LGR6: variants seen among roughly 807,000 people sequenced by gnomAD.
The protein encoded by LGR6 is leucine-rich repeat-containing G protein-coupled receptor 6.
A neutral mutation model predicts 69.4 loss-of-function variants in LGR6; 45 were observed. The observed-to-expected ratio is 0.65, with a 90% CI of 0.51 to 0.83. LGR6 has a LOEUF of 0.83. Among genes scored for constraint, LGR6 ranks in the 40% least tolerant of loss-of-function variants. LGR6 has a pLI of 0.00. For synonymous variants in LGR6, 538 were observed against 555.0 expected (o/e 0.97, Z 0.43); for missense variants, 1,108 against 1,246.7 (o/e 0.89, Z 1.68).
chr1:202,278,681 G>A (rs1053619964), intron 5 of LGR6, among the ~76,000 whole-genome samples: 1 of 152,126 alleles, frequency 6.6e-6, no homozygotes, highest in Non-Finnish European at 1.5e-5. Flanking sequence ...AGGCCCAAGA[G>A]GAAGGTAAGG....
rs540494599 is a variant in LGR6, at chr1:202,310,365, A to G, written c.1567+8A>G. On this transcript the variant is annotated splice_region_variant and intron_variant, in intron 16 of 17. Transcript: ENST00000367278. ...GACAAGCAGAGAACCACTGTGAGTG[A>G]CCAGGGGCCCTGGGTTGGGGAGGGT... 1.2e-6 allele frequency: 2 copies of G among 1,612,868 alleles called. No homozygotes were observed. The highest frequency in any genetic ancestry group is 2.2e-5 in the South Asian group (2 of 91,020).
intron 4 of LGR6, among the ~76,000 whole-genome samples, chr1:202,240,399 A>C (rs1662085546): frequency 6.6e-6 from 1 of 151,794 alleles, no homozygotes; most frequent in Non-Finnish European, 1.5e-5. Flanking sequence ...AACGACATGA[A>C]AGAACGAATG....
chr1:202,318,296 G>T lies in LGR6; in HGVS notation c.1993G>T (p.Val665Leu), dbSNP rs746665811. 3.1e-6 allele frequency: 5 copies of T among 1,598,454 alleles called. No individual in the cohort carries two copies. Among genetic ancestry groups the T allele is most frequent in the Non-Finnish European group, 2.6e-6 (3 of 1,171,352 alleles). ...GGTGCTGCTGCTCACTCTGGCCGCA[G>T]TGCAGTGCAGCGTCTCCGTCTCCTG... ...ASVLLLTLAA[V>L]QCSVSVSCVR... The change falls in exon 18 of 18, where the codon GTG becomes TTG. Residue 665 changes from valine to leucine, a missense_variant. Coordinates refer to ENST00000367278, the MANE Select transcript of LGR6 (RefSeq NM_001017403.2).
chr1:202,197,455 C>T lies in LGR6; in HGVS notation c.212+3254C>T, dbSNP rs141482942. The T allele has an allele frequency of 4.1e-4, 219 of 533,422 alleles. 3 individuals are homozygous for T. In the East Asian group the frequency reaches 7.8e-3, roughly 19 times the overall value. The allele number at this position is 533,422 out of a possible 1,614,324, so 33.0% of individuals were successfully genotyped here. A position where few individuals can be genotyped will look rare whatever the true frequency, so the allele number is the denominator to read the frequency against. On this transcript the variant is annotated intron_variant, in intron 1 of 17. Coordinates refer to ENST00000367278, the MANE Select transcript of LGR6 (RefSeq NM_001017403.2). ...GTTTCCTCTTAAACTATAGTCTCAG[C>T]GAGGCTCATTGACACTCACCGGGGT... is the stretch of plus-strand genomic sequence containing the variant.
intron 4 of LGR6, among the ~76,000 whole-genome samples, chr1:202,265,050 C>T (rs1047821526): frequency 2.6e-5 from 4 of 152,168 alleles, no homozygotes; most frequent in African/African-American, 9.7e-5. Context: ...CTGATGAAAT[C>T]ACTTTCCTCC....
chr1:202,317,934 G>A lies in LGR6; in HGVS notation c.1649-18G>A, dbSNP rs367753962. The A allele has an allele frequency of 9.3e-5, 147 of 1,584,050 alleles. 1 individual carries two copies. Among genetic ancestry groups the A allele is most frequent in the Middle Eastern group, 6.7e-4 (4 of 5,932 alleles). ...CACCATCCTCTGGCCCAGGGTTAAT[G>A]TCTGATCTCTCCTACAGGCCCCTTC... On this transcript the variant is annotated intron_variant, in intron 17 of 17. Coordinates refer to ENST00000367278, the MANE Select transcript of LGR6 (RefSeq NM_001017403.2).
rs1284687995 is a variant in LGR6, at chr1:202,268,198, C to T, written c.429-8108C>T. Among the ~76,000 whole-genome samples, 1 of 152,208 alleles carries T rather than the reference C, an allele frequency of 6.6e-6. No individual in the cohort carries two copies. Among genetic ancestry groups the T allele is most frequent in the Non-Finnish European group, 1.5e-5 (1 of 68,036 alleles). On this transcript the variant is annotated intron_variant, in intron 4 of 17. Transcript: ENST00000367278. This position sits in a 1 kb window ranked among gnomAD's most constrained non-coding sequence, Gnocchi z 4.4. Reference sequence around the variant, plus strand: ...GCCATGGGCAGGGGACCCCACAACCCCATTGGAGCCCCGTGGCCCTCCGTG... The same window carrying T: ...GCCATGGGCAGGGGACCCCACAACCTCATTGGAGCCCCGTGGCCCTCCGTG...
intron 4 of LGR6, 74 bp from the exon 5 acceptor site, chr1:202,276,232 T>A: frequency 3.1e-6 from 4 of 1,281,716 alleles, no homozygotes; most frequent in Non-Finnish European, 4.4e-6. Flanking sequence ...AGGGCCTGGC[T>A]GGCCCAGTCT....
chr1:202,285,875 G>A (rs965300279), intron 6 of LGR6, among the ~76,000 whole-genome samples: 1 of 152,232 alleles, frequency 6.6e-6, no homozygotes. Flanking sequence ...CAAGGTGTTA[G>A]CAGGGATGGT....
chr1:202,215,011 G>T (rs1659672227), intron 1 of LGR6, among the ~76,000 whole-genome samples: 1 of 149,816 alleles, frequency 6.7e-6, no homozygotes, highest in African/African-American at 2.5e-5. Flanking sequence ...GTGTGTGTGT[G>T]TGTGTGTGTG....
rs376939412 is a variant in LGR6 at position 202,205,561 on chromosome 1, C to A, written c.212+11360C>A. Among the ~76,000 whole-genome samples, 1,127 of 144,150 alleles carry A rather than the reference C, an allele frequency of 7.8e-3. 17 individuals carry two copies. The highest frequency in any genetic ancestry group is 0.027 in the African/African-American group (1,071 of 39,006). 94.6% of individuals were successfully genotyped at this position (144,150 alleles called of 152,430 possible). ...CACACCTCCAAACACATATGCACAC[C>A]TCCTTCAAACATACACATACACACC... On this transcript the variant is annotated intron_variant, in intron 1 of 17. Coordinates refer to ENST00000367278, the MANE Select transcript of LGR6 (RefSeq NM_001017403.2).
chr1:202,308,452 G>A (rs1360853841), intron 14 of LGR6, among the ~76,000 whole-genome samples: 1 of 152,154 alleles, frequency 6.6e-6, no homozygotes, highest in Non-Finnish European at 1.5e-5. Context: ...TGTGGTCTTA[G>A]CGTTTGGTTT....
chr1:202,277,829 T>C (rs1403298670), intron 5 of LGR6, among the ~76,000 whole-genome samples: 1 of 47,050 alleles, frequency 2.1e-5, no homozygotes, highest in African/African-American at 8.8e-5. Context: ...AAGGCTGAGG[T>C]GGAGGGGAAG....
chr1:202,295,869 T>TTG (rs1491348942), intron 6 of LGR6, among the ~76,000 whole-genome samples: 1 of 116,496 alleles, frequency 8.6e-6, no homozygotes, highest in Non-Finnish European at 1.8e-5. Flanking sequence ...ATTGGGTAAT[T>TTG]AGTGTGTGTG....
chr1:202,265,800 C>T (rs1000250798), intron 4 of LGR6, among the ~76,000 whole-genome samples: 1 of 152,108 alleles, frequency 6.6e-6, no homozygotes, highest in African/African-American at 2.4e-5. Context: ...ATAACTGGAT[C>T]AATAAAAAAC....
rs141356116 is a variant in LGR6 at position 202,208,159 on chromosome 1, C to T, written c.212+13958C>T. Reference sequence around the variant, plus strand: ...TTCCAAAGTTTCCCTCCTCCAATTTCGTCGCAACCCTCCTGACTCCAGCAA... The same window carrying T: ...TTCCAAAGTTTCCCTCCTCCAATTTTGTCGCAACCCTCCTGACTCCAGCAA... On this transcript the variant is annotated intron_variant, in intron 1 of 17. Coordinates refer to ENST00000367278, the MANE Select transcript of LGR6 (RefSeq NM_001017403.2). Among the ~76,000 whole-genome samples, 40 of 152,218 alleles carry T rather than the reference C, an allele frequency of 2.6e-4. No individual in the cohort carries two copies. In the East Asian group the frequency reaches 7.0e-3, roughly 26 times the overall value.
At chr1:202,194,912 G>A (rs535924944) in intron 1 of LGR6, among the ~76,000 whole-genome samples, 22 of 152,168 alleles carry the variant, frequency 1.4e-4, no homozygotes, top group Non-Finnish European at 2.6e-4. Context: ...CATTTTTAGC[G>A]TCTGAGTTGG....
intron 1 of LGR6, chr1:202,203,678 G>A: frequency 2.5e-6 from 2 of 786,578 alleles, no homozygotes; most frequent in East Asian, 2.6e-5. Context: ...GTTGTAGGAA[G>A]TGAGAAATAC....
At chr1:202,262,583 G>A (rs534484888) in intron 4 of LGR6, among the ~76,000 whole-genome samples, 2 of 152,246 alleles carry the variant, frequency 1.3e-5, no homozygotes, top group African/African-American at 4.8e-5. Context: ...CTCTTTTTTG[G>A]TTCCGTATGT....
Sources: allele counts gnomAD v4.1 joint callset (sites outside exome capture counted in the v4.1 genomes callset), GRCh38; gene constraint gnomAD v4.1.1; non-coding constraint Gnocchi (gnomAD v3.1); transcripts MANE v1.5; gene names NCBI Gene and HGNC (gene_info 2026-07-23, HGNC 2026-07-21).